Variants in BCOR observed in about 807,000 individuals in gnomAD.
The protein encoded by BCOR is BCL-6 corepressor.
In BCOR, 10 loss-of-function variants were observed where a neutral mutation model predicts 86.7. The observed-to-expected ratio is 0.12, with a 90% CI of 0.07 to 0.20. BCOR has a LOEUF of 0.20. BCOR is among the 10% of genes least tolerant of loss of function. BCOR has a pLI of 1.00. For synonymous variants in BCOR, 611 were observed against 609.0 expected, an observed-to-expected ratio of 1.00 and a Z score of -0.05; for missense variants, 1,259 against 1,452.1, an observed-to-expected ratio of 0.87 and a Z score of 2.16.
At chrX:40,093,847 G>C (rs1936723096) in intron 1 of BCOR, among the ~76,000 whole-genome samples, 1 of 111,509 alleles carries the variant, frequency 9.0e-6, no homozygotes, top group South Asian at 3.8e-4. Flanking sequence ...TGGGAACATT[G>C]AGTCTACGTC....
chrX:40,133,518 G>A (rs892404160), intron 1 of BCOR, among the ~76,000 whole-genome samples: 4 of 108,447 alleles, frequency 3.7e-5, no homozygotes, highest in Admixed American at 9.8e-5. Context: ...GGAGTGCAGT[G>A]GCGCTACCTC....
intron 1 of BCOR, among the ~76,000 whole-genome samples, chrX:40,160,799 G>T (rs1938399891): frequency 9.6e-6 from 1 of 104,206 alleles, no homozygotes; most frequent in Non-Finnish European, 2.0e-5. Flanking sequence ...CAGTAGCTGG[G>T]ACTACAGGCA....
At chrX:40,127,869 TAA>T (rs1297644660) in intron 1 of BCOR, among the ~76,000 whole-genome samples, 5 of 44,451 alleles carry the variant, frequency 1.1e-4, no homozygotes, top group Non-Finnish European at 2.3e-4. Context: ...TCAAAATAAA[TAA>T]ATAAATAAAT....
At chrX:40,158,313 G>GCGGCTGCGCACCGGCCGCCATCTTGGCC (rs1181230791) in intron 1 of BCOR, among the ~76,000 whole-genome samples, 1 of 112,213 alleles carries the variant, frequency 8.9e-6, no homozygotes, top group African/African-American at 3.2e-5. Context: ...CCGGACGCGG[G>GCGGCTGCGCACCGGCCGCCATCTTGGCC]CGGCTGCGCA....
rs372463512 is a variant in BCOR, at chrX:40,073,695, C to T, written c.1651G>A (p.Asp551Asn). Residue 551 changes from aspartate (D) to asparagine (N), a missense_variant, in exon 4 of 15, where the codon GAT becomes AAT. Transcript: ENST00000378444. Reference protein sequence around the residue: ...SSSCPRMGGTDAVITNVSGSV... With the variant: ...SSSCPRMGGTNAVITNVSGSV... Reference sequence around the variant, plus strand: ...CCTGAAACGTTAGTGATGACAGCATCGGTGCCGCCCATGCGCGGGCATGAT... The same window carrying T: ...CCTGAAACGTTAGTGATGACAGCATTGGTGCCGCCCATGCGCGGGCATGAT... 4.9e-5 allele frequency: 59 copies of T among 1,211,740 alleles called. No homozygotes were observed. Among genetic ancestry groups the T allele is most frequent in the South Asian group, 4.0e-4 (23 of 56,976 alleles).
intron 1 of BCOR, among the ~76,000 whole-genome samples, chrX:40,096,447 C>T (rs1936876600): frequency 1.8e-5 from 2 of 112,463 alleles, no homozygotes; most frequent in Non-Finnish European, 1.9e-5. Context: ...ATTTACAAAA[C>T]AAAGCGTCTG....
chrX:40,148,037 G>A (rs181334963), intron 1 of BCOR, among the ~76,000 whole-genome samples: 35 of 112,353 alleles, frequency 3.1e-4, no homozygotes, highest in Admixed American at 2.9e-3. Context: ...GAGAGCTGGT[G>A]CCTCCACTCT....
intron 1 of BCOR, among the ~76,000 whole-genome samples, chrX:40,151,460 C>T (rs1034491334): frequency 8.8e-6 from 1 of 113,146 alleles, no homozygotes; most frequent in Non-Finnish European, 1.9e-5. Flanking sequence ...CCGGGAGGAT[C>T]CTCTGGCTAG....
rs372537282 is a variant in BCOR, at chrX:40,119,883, A to G, written c.-40-41914T>C. On this transcript the variant is annotated intron_variant, in intron 1 of 14. Coordinates refer to the BCOR transcript ENST00000342274. Reference sequence around the variant, plus strand: ...AGGGAGGAATCAGTTTTAAAACTGCAATCACACTCTGGGCAGATGACCTGA... The same window carrying G: ...AGGGAGGAATCAGTTTTAAAACTGCGATCACACTCTGGGCAGATGACCTGA... 5.8e-3 allele frequency among the ~76,000 whole-genome samples: 649 copies of G among 111,391 alleles called. 3 individuals are homozygous for G. Among genetic ancestry groups the G allele is most frequent in the African/African-American group, 0.02 (618 of 30,667 alleles).
chrX:40,098,180 C>T (rs1936986644), upstream of BCOR, among the ~76,000 whole-genome samples: 1 of 109,354 alleles, frequency 9.1e-6, no homozygotes, highest in African/African-American at 3.3e-5. Context: ...GCTCACCCTC[C>T]GCTGCGGCGC....
chrX:40,077,271 G>T, intron 2 of BCOR: 1 of 140,967 alleles, frequency 7.1e-6, no homozygotes, highest in African/African-American at 3.2e-5. Flanking sequence ...ACAAGCGGCA[G>T]AGGAAAAGTT....
chrX:40,074,952 C>T lies in BCOR; in HGVS notation c.394G>A (p.Val132Met), dbSNP rs1935720225. ...TTTCCAGAGACGGCAGAAGCCTCCA[C>T]TGTCTCGGGTGTATTCGGTTTGAAC... is the stretch of plus-strand genomic sequence containing the variant. Reference protein sequence around the residue: ...MQFKPNTPETVEASAVSGKPP... With the variant: ...MQFKPNTPETMEASAVSGKPP... The change falls in exon 4 of 15, where the codon GTG becomes ATG. Residue 132 changes from valine to methionine, a missense_variant. Val to Met is a conservative substitution (Grantham distance 21). Coordinates refer to ENST00000378444, the MANE Select transcript of BCOR (RefSeq NM_001123385.2). 1 of 1,211,504 alleles carries T rather than the reference C, an allele frequency of 8.3e-7. No homozygotes were observed. Among genetic ancestry groups the T allele is most frequent in the East Asian group, 3.0e-5 (1 of 33,830 alleles).
intron 1 of BCOR, among the ~76,000 whole-genome samples, chrX:40,152,368 T>C (rs1938185618): frequency 9.1e-6 from 1 of 110,352 alleles, no homozygotes; most frequent in African/African-American, 3.3e-5. Flanking sequence ...GAACTCGGGG[T>C]TGGAGACCTG....
chrX:40,160,260 C>T (rs1938385021), intron 1 of BCOR, among the ~76,000 whole-genome samples: 1 of 109,525 alleles, frequency 9.1e-6, no homozygotes, highest in Non-Finnish European at 1.9e-5. Flanking sequence ...GGACTACAGG[C>T]GCCCGCCACT....
At chrX:40,080,924 T>C (rs1393698211) in intron 1 of BCOR, among the ~76,000 whole-genome samples, 1 of 105,817 alleles carries the variant, frequency 9.5e-6, no homozygotes, top group African/African-American at 3.4e-5. Context: ...GGGGAACACA[T>C]TGTTGGATCC....
chrX:40,143,676 G>T (rs955006599), intron 1 of BCOR, among the ~76,000 whole-genome samples: 6 of 113,052 alleles, frequency 5.3e-5, no homozygotes, highest in Non-Finnish European at 9.4e-5. Context: ...AAATCTTTTG[G>T]CCAGGCGTGG....
intron 14 of BCOR, among the ~76,000 whole-genome samples, chrX:40,053,520 C>T (rs1382316061): frequency 8.9e-6 from 1 of 112,071 alleles, no homozygotes; most frequent in Admixed American, 9.4e-5. Context: ...TCAAAACATC[C>T]TACAGTGGTC....
chrX:40,116,703 G>A (rs1042794993), intron 1 of BCOR, among the ~76,000 whole-genome samples: 2 of 111,583 alleles, frequency 1.8e-5, no homozygotes, highest in African/African-American at 3.3e-5. Flanking sequence ...GGCACCTGTG[G>A]TCAGCTTCAT....
Position 40,078,018 on chromosome X carries a change from C to G in BCOR, c.-40-49G>C, listed in dbSNP as rs1050544892. ...TCCCAGGAGGTTCAGTAAAGGAGAG[C>G]CAAACAGGGCGCTAGAGAAGGCCTC... On this transcript the variant is annotated intron_variant, in intron 1 of 14. Transcript: ENST00000378444. 3.0e-5 allele frequency: 23 copies of G among 760,561 alleles called. No individual in the cohort carries two copies. In the African/African-American group the frequency reaches 4.1e-4, roughly 14 times the overall value. The allele number at this position is 760,561 out of a possible 1,213,427, so 62.7% of individuals were successfully genotyped here. A position where few individuals can be genotyped will look rare whatever the true frequency, so the allele number is the denominator to read the frequency against.
Sources: gnomAD v4.1 joint callset for allele counts (sites outside exome capture counted in the v4.1 genomes callset) on GRCh38, gnomAD v4.1.1 for gene constraint, MANE v1.5 for transcripts, NCBI Gene and HGNC (gene_info 2026-07-23, HGNC 2026-07-21) for gene names.